Variants in COL22A1 observed in about 807,000 individuals in gnomAD.
COL22A1 encodes the protein collagen type XXII alpha 1 chain.
A neutral mutation model predicts 248.9 loss-of-function variants in COL22A1; 221 were observed. That is an observed-to-expected ratio of 0.89 (90% confidence interval 0.80 to 0.99). COL22A1 has a LOEUF of 0.99. COL22A1 is among the 50% of genes least tolerant of loss of function. COL22A1 has a pLI of 0.00. For synonymous variants in COL22A1, 891 were observed against 793.4 expected, an observed-to-expected ratio of 1.12 and a Z score of -2.07; for missense variants, 2,240 against 2,179.0, an observed-to-expected ratio of 1.03 and a Z score of -0.56.
At chr8:138,761,554 G>A (rs1833486567) in intron 17 of COL22A1, among the ~76,000 whole-genome samples, 1 of 151,128 alleles carries the variant, frequency 6.6e-6, no homozygotes, top group Admixed American at 6.6e-5. Flanking sequence ...AATATTTATT[G>A]TAATTCATTG....
At chr8:138,627,428 T>C (rs911886838) in intron 50 of COL22A1, among the ~76,000 whole-genome samples, 2 of 152,154 alleles carry the variant, frequency 1.3e-5, no homozygotes, top group African/African-American at 4.8e-5. Context: ...ATTGGTTCTT[T>C]ATGGAAAAAG....
intron 40 of COL22A1, among the ~76,000 whole-genome samples, chr8:138,677,310 G>T (rs1360313678): frequency 6.6e-6 from 1 of 152,212 alleles, no homozygotes; most frequent in East Asian, 1.9e-4. Context: ...CAGATGTTGT[G>T]CTCACTCTAT....
chr8:138,858,969 G>A (rs774029108), intron 3 of COL22A1, among the ~76,000 whole-genome samples: 1 of 152,140 alleles, frequency 6.6e-6, no homozygotes, highest in Admixed American at 6.5e-5. Flanking sequence ...AGGAGGCCAG[G>A]CCTCGTCCCA....
At chr8:138,766,653 C>T (rs145509913) in intron 16 of COL22A1, among the ~76,000 whole-genome samples, 79 of 152,156 alleles carry the variant, frequency 5.2e-4, no homozygotes, top group East Asian at 2.5e-3. Flanking sequence ...CAGAGACAGA[C>T]GCAGAGAGAC....
chr8:138,909,360 T>C (rs567851469), intron 1 of COL22A1, among the ~76,000 whole-genome samples: 1 of 152,016 alleles, frequency 6.6e-6, no homozygotes, highest in East Asian at 1.9e-4. Context: ...TTATTTATCT[T>C]TGTGGCTGAC....
At chr8:138,784,162 C>A (rs1374602324) in intron 12 of COL22A1, among the ~76,000 whole-genome samples, 1 of 152,184 alleles carries the variant, frequency 6.6e-6, no homozygotes, top group Non-Finnish European at 1.5e-5. Context: ...GAGACAGTCT[C>A]AGACTGGCAA....
At position 138,669,461 on chromosome 8, in the gene COL22A1, C is replaced by T. The variant is rs547844334; in HGVS notation, c.3151-5721G>A. On this transcript the variant is annotated intron_variant, in intron 41 of 64. Coordinates refer to ENST00000303045, the MANE Select transcript of COL22A1 (RefSeq NM_152888.3). ...GTGCAGAACCAGAAACAGCCCAGGA[C>T]AGCCCAGCTCCTCCCACCATGCCAC... Among the ~76,000 whole-genome samples the T allele has an allele frequency of 3.3e-4, 51 of 152,316 alleles. No homozygotes were observed. The East Asian group carries it at 9.3e-3, about 28-fold the overall frequency.
rs749054891 is a variant in COL22A1, at chr8:138,589,308, T to G, written c.4826A>C (p.Gln1609Pro). The change falls in exon 65 of 65, where the codon CAG becomes CCG. Residue 1609 changes from glutamine (Q) to proline (P), a missense_variant. Gln to Pro is a moderately conservative substitution (Grantham distance 76, BLOSUM62 -1). Transcript: ENST00000303045. The stretch of plus-strand genomic sequence containing the variant: ...AGCAAGGCTGGCGAAGTAGGCACAC[T>G]GGGAAGGGTCACATTGGCCTGGGGG... ...PGPPGQCDPSQCAYFASLAAR... is the reference protein window; with the variant it reads ...PGPPGQCDPSPCAYFASLAAR... 40 of 1,613,740 alleles carry G rather than the reference T, an allele frequency of 2.5e-5. No homozygotes were observed. Among genetic ancestry groups the G allele is most frequent in the Non-Finnish European group, 3.1e-5 (36 of 1,179,802 alleles).
chr8:138,843,938 G>C (rs946548726), intron 4 of COL22A1, 146 bp downstream of exon 4: 11 of 755,608 alleles, frequency 1.5e-5, no homozygotes, highest in Non-Finnish European at 2.2e-5. Flanking sequence ...CCACCTGCAC[G>C]ATTCAAACCA....
Position 138,779,472 on chromosome 8 carries a change from G to C in COL22A1, c.1704+37C>G, listed in dbSNP as rs745737738. ...GCTTTGCACTGGGCCTTGTCCCCTGGGAGCATCAGAAGGGCCCAGCTCACA... is the reference window on the plus strand; with the variant it reads ...GCTTTGCACTGGGCCTTGTCCCCTGCGAGCATCAGAAGGGCCCAGCTCACA... On this transcript the variant is annotated intron_variant, in intron 14 of 64. Transcript: ENST00000303045. 3.9e-6 allele frequency: 6 copies of C among 1,523,502 alleles called. No individual in the cohort carries two copies. In the South Asian group the frequency reaches 6.7e-5, roughly 17 times the overall value. The allele number at this position is 1,523,502 out of a possible 1,614,324, so 94.4% of individuals were successfully genotyped here. A position where few individuals can be genotyped will look rare whatever the true frequency, so the allele number is the denominator to read the frequency against.
At chr8:138,801,468 C>T (rs1024259656) in intron 11 of COL22A1, among the ~76,000 whole-genome samples, 1 of 152,126 alleles carries the variant, frequency 6.6e-6, no homozygotes, top group Non-Finnish European at 1.5e-5. Flanking sequence ...AGGCTTGTTT[C>T]CTGGGTTTCC....
intron 37 of COL22A1, among the ~76,000 whole-genome samples, chr8:138,687,413 C>A (rs1357972891): frequency 6.6e-6 from 1 of 152,174 alleles, no homozygotes; most frequent in Admixed American, 6.5e-5. Flanking sequence ...GACATCTCCT[C>A]GTGTTAAATT....
At chr8:138,880,255 T>A (rs1431328418) in intron 2 of COL22A1, among the ~76,000 whole-genome samples, 2 of 152,222 alleles carry the variant, frequency 1.3e-5, no homozygotes, top group African/African-American at 4.8e-5. Flanking sequence ...CCAGCATGGA[T>A]ACACTTTTCC....
intron 5 of COL22A1, among the ~76,000 whole-genome samples, chr8:138,831,862 A>T (rs1394327548): frequency 2.6e-5 from 4 of 152,232 alleles, no homozygotes; most frequent in Non-Finnish European, 4.4e-5. Context: ...TGTGAACCAG[A>T]GCAACTCCAT....
At chr8:138,856,727 GAC>G (rs1822054026) in intron 3 of COL22A1, among the ~76,000 whole-genome samples, 1 of 152,198 alleles carries the variant, frequency 6.6e-6, no homozygotes, top group African/African-American at 2.4e-5. Flanking sequence ...CAGTGAGAGA[GAC>G]AGAGAGAGGA....
chr8:138,728,657 G>A (rs558942378), intron 23 of COL22A1, among the ~76,000 whole-genome samples: 4 of 151,814 alleles, frequency 2.6e-5, no homozygotes, highest in South Asian at 2.1e-4. Flanking sequence ...GCTCTTTAGC[G>A]GTCTCCTAGT....
At chr8:138,835,688 G>A (rs942881418) in intron 4 of COL22A1, among the ~76,000 whole-genome samples, 1 of 152,212 alleles carries the variant, frequency 6.6e-6, no homozygotes, top group African/African-American at 2.4e-5. Context: ...GGTAGAGACT[G>A]TGTGGGGGAG....
intron 11 of COL22A1, among the ~76,000 whole-genome samples, chr8:138,800,041 G>C (rs1816866447): frequency 1.3e-5 from 2 of 152,198 alleles, no homozygotes; most frequent in South Asian, 4.1e-4. Flanking sequence ...GAGAGCTTCA[G>C]AGTTCTTCGT....
Position 138,861,955 on chromosome 8 carries a change from G to A in COL22A1, c.658+15795C>T, listed in dbSNP as rs150293933. ...TGGAATCCCAGCACTTTGGAAGGCC[G>A]AGGCGGGCAGATCACTTGAGGTCAG... On this transcript the variant is annotated intron_variant, in intron 3 of 64. Transcript: ENST00000303045. Among the ~76,000 whole-genome samples the A allele has an allele frequency of 2.7e-3, 405 of 150,292 alleles. 5 individuals carry two copies. The highest frequency in any genetic ancestry group is 0.02 in the East Asian group (100 of 5,092).
Sources: gnomAD v4.1 joint callset for allele counts (sites outside exome capture counted in the v4.1 genomes callset) on GRCh38, gnomAD v4.1.1 for gene constraint, MANE v1.5 for transcripts, NCBI Gene and HGNC (gene_info 2026-07-23, HGNC 2026-07-21) for gene names.